COMMD1: variants seen among roughly 807,000 people sequenced by gnomAD.
COMMD1 encodes the protein copper metabolism domain containing 1.
In COMMD1, 10 loss-of-function variants were observed where a neutral mutation model predicts 17.2. That is an observed-to-expected ratio of 0.58 (90% CI 0.36 to 0.99). The LOEUF is 0.99. Ranked by LOEUF, COMMD1 falls within the 50% of genes least tolerant of loss-of-function variation. The pLI is 0.01. For missense variants in COMMD1, 270 were observed against 231.8 expected (o/e 1.17, Z -1.07); for synonymous variants, 97 against 91.6 (o/e 1.06, Z -0.34).
rs74880859 is a variant in COMMD1, at chr2:62,028,965, C to T, written c.462+27983C>T. On this transcript the variant is annotated intron_variant, in intron 2 of 2. Coordinates refer to ENST00000311832, the MANE Select transcript of COMMD1 (RefSeq NM_152516.4). ...GTTGCCAGAAAATAAAGGAAATTGG[C>T]TTCACCATCAATTTATGAGATAGGT... is the stretch of plus-strand genomic sequence containing the variant. 2.6e-5 allele frequency among the ~76,000 whole-genome samples: 4 copies of T among 152,208 alleles called. No homozygotes were observed. The East Asian group carries it at 7.7e-4, about 29-fold the overall frequency.
At chr2:61,940,090 G>A (rs757339741) in intron 1 of COMMD1, among the ~76,000 whole-genome samples, 5 of 152,134 alleles carry the variant, frequency 3.3e-5, no homozygotes, top group Non-Finnish European at 7.3e-5. Context: ...CTCTAGTCCA[G>A]CAGTTGTTAT....
intron 2 of COMMD1, among the ~76,000 whole-genome samples, chr2:62,103,445 A>G (rs1320663792): frequency 6.6e-6 from 1 of 152,190 alleles, no homozygotes; most frequent in Non-Finnish European, 1.5e-5. Flanking sequence ...GATTTTTTTC[A>G]GTGAACTTTC....
chr2:62,075,801 A>G (rs1671323897), intron 2 of COMMD1, among the ~76,000 whole-genome samples: 1 of 152,248 alleles, frequency 6.6e-6, no homozygotes, highest in South Asian at 2.1e-4. Context: ...AGCTCAATAA[A>G]TGCTAACTGA....
chr2:61,985,041 C>CTTTTTTTTTTTTTTTTT (rs61613631), intron 1 of COMMD1, among the ~76,000 whole-genome samples: 1 of 134,206 alleles, frequency 7.5e-6, no homozygotes, highest in Non-Finnish European at 1.6e-5. Flanking sequence ...CTATGTGTGT[C>CTTTTTTTTTTTTTTTTT]TTTTTTTTTT....
At chr2:62,061,039 G>GT (rs1670842128) in intron 2 of COMMD1, among the ~76,000 whole-genome samples, 3 of 151,730 alleles carry the variant, frequency 2.0e-5, no homozygotes, top group South Asian at 4.2e-4. Flanking sequence ...ATATTTTTTA[G>GT]TTTTAGAATA....
At chr2:61,889,800 G>A (rs1298195695) in intron 1 of COMMD1, among the ~76,000 whole-genome samples, 1 of 152,120 alleles carries the variant, frequency 6.6e-6, no homozygotes, top group African/African-American at 2.4e-5. Flanking sequence ...CCTGCATGAC[G>A]TAGCCACTGA....
chr2:61,998,919 A>G (rs766784735), intron 1 of COMMD1, among the ~76,000 whole-genome samples: 12 of 152,190 alleles, frequency 7.9e-5, no homozygotes, highest in Non-Finnish European at 1.0e-4. Context: ...TCTGTCTTCT[A>G]TGGGCATGTT....
chr2:62,112,224 CTT>C (rs1438246484), intron 2 of COMMD1, among the ~76,000 whole-genome samples: 1 of 152,254 alleles, frequency 6.6e-6, no homozygotes, highest in East Asian at 1.9e-4. Context: ...AAAGACCTCT[CTT>C]AAGGGAAAAG....
intron 2 of COMMD1, among the ~76,000 whole-genome samples, chr2:62,083,353 G>A (rs1043895756): frequency 5.3e-5 from 8 of 152,056 alleles, no homozygotes; most frequent in Admixed American, 5.2e-4. Flanking sequence ...CTTTGCCATT[G>A]TAGCCTGAAA....
At chr2:62,057,810 G>A (rs990244560) in intron 2 of COMMD1, among the ~76,000 whole-genome samples, 2 of 151,680 alleles carry the variant, frequency 1.3e-5, no homozygotes, top group African/African-American at 2.4e-5. Flanking sequence ...GGGCTCAGGC[G>A]ATCCTCCCAC....
chr2:61,943,680 C>A (rs886534915), intron 1 of COMMD1, among the ~76,000 whole-genome samples: 1 of 152,046 alleles, frequency 6.6e-6, no homozygotes, highest in Non-Finnish European at 1.5e-5. Flanking sequence ...ACTAAAAATA[C>A]AAAAATCAGC....
intron 1 of COMMD1, among the ~76,000 whole-genome samples, chr2:61,934,611 A>G (rs566359122): frequency 6.6e-6 from 1 of 152,292 alleles, no homozygotes; most frequent in African/African-American, 2.4e-5. Context: ...GAATGAAAAA[A>G]TTTCAATTAA....
At chr2:62,089,946 A>T (rs549279921) in intron 2 of COMMD1, among the ~76,000 whole-genome samples, 15 of 152,204 alleles carry the variant, frequency 9.9e-5, no homozygotes, top group Non-Finnish European at 1.9e-4. Context: ...CCACAGCACT[A>T]GGAAGGCTCA....
chr2:62,095,642 A>G (rs1281917839), intron 2 of COMMD1, among the ~76,000 whole-genome samples: 3 of 150,424 alleles, frequency 2.0e-5, no homozygotes, highest in Admixed American at 6.6e-5. Flanking sequence ...AATGACAATA[A>G]TCGTATAAGT....
At chr2:62,076,661 C>A (rs539765252) in intron 2 of COMMD1, among the ~76,000 whole-genome samples, 84 of 152,270 alleles carry the variant, frequency 5.5e-4, no homozygotes, top group African/African-American at 2.0e-3. Flanking sequence ...GCATGAGAAT[C>A]ATTTGAACCC....
intron 1 of COMMD1, among the ~76,000 whole-genome samples, chr2:61,943,298 A>G (rs1485724037): frequency 6.6e-6 from 1 of 152,184 alleles, no homozygotes; most frequent in East Asian, 1.9e-4. Context: ...TAGAGGGGTC[A>G]TGAAACCAAA....
chr2:61,980,644 T>G (rs1671928863), intron 1 of COMMD1, among the ~76,000 whole-genome samples: 1 of 145,072 alleles, frequency 6.9e-6, no homozygotes, highest in Admixed American at 7.0e-5. Flanking sequence ...AGATTCTGGA[T>G]ATTAGCCCTT....
intron 1 of COMMD1, among the ~76,000 whole-genome samples, chr2:61,895,445 C>A (rs1376207901): frequency 3.3e-5 from 5 of 152,114 alleles, no homozygotes; most frequent in Non-Finnish European, 5.9e-5. Flanking sequence ...TGGCTACAGC[C>A]CTCTTTGGCC....
At chr2:62,130,154 CA>C (rs531499822) in intron 2 of COMMD1, among the ~76,000 whole-genome samples, 12,318 of 89,312 alleles carry the variant, frequency 0.14, 1,128 homozygotes, top group African/African-American at 0.32. Flanking sequence ...GACTCTGTCT[CA>C]AAAAAAAAAA....
Sources: gnomAD v4.1 joint callset for allele counts (sites outside exome capture counted in the v4.1 genomes callset) on GRCh38, gnomAD v4.1.1 for gene constraint, MANE v1.5 for transcripts, NCBI Gene and HGNC (gene_info 2026-07-23, HGNC 2026-07-21) for gene names.